OVCH1: variants seen among roughly 807,000 people sequenced by gnomAD.
OVCH1 encodes ovochymase-1.
In OVCH1, 139 loss-of-function variants were observed where a neutral mutation model predicts 138.4. The observed-to-expected ratio is 1.00, with a 90% confidence interval of 0.87 to 1.16. The LOEUF is 1.16. OVCH1 is among the 50% of genes most tolerant of loss of function. The pLI, the probability that OVCH1 is intolerant of heterozygous loss-of-function variation, is 0.00. For synonymous variants in OVCH1, 453 were observed against 467.8 expected (o/e 0.97, Z 0.41); for missense variants, 1,367 against 1,357.9 (o/e 1.01, Z -0.11).
At position 29,435,911 on chromosome 12, in the gene OVCH1, A is replaced by G. The variant is rs137948187; in HGVS notation, c.3265-2098T>C. ...TATAGCCTTAAAATTAGAAATGTTT[A>G]TTTATTCACTGGGAAAAATTTAGAG... On this transcript the variant is annotated intron_variant, in intron 26 of 27. Transcript: ENST00000318184. Among the ~76,000 whole-genome samples the G allele has an allele frequency of 2.0e-3, 308 of 152,226 alleles. 1 individual carries two copies. The highest frequency in any genetic ancestry group is 6.8e-3 in the Middle Eastern group (2 of 294).
At chr12:29,458,088 AAAG>A (rs1450677939) in intron 19 of OVCH1, among the ~76,000 whole-genome samples, 1 of 152,172 alleles carries the variant, frequency 6.6e-6, no homozygotes, top group East Asian at 1.9e-4. Flanking sequence ...TTGTAGATGA[AAAG>A]AAGTTAGAAA....
chr12:29,495,304 T>C, exon 4 of OVCH1: 4 of 1,610,438 alleles, frequency 2.5e-6, no homozygotes, highest in Non-Finnish European at 2.5e-6. Context: ...CTTTGTGTTT[T>C]AGATACAGCA....
intron 22 of OVCH1, among the ~76,000 whole-genome samples, chr12:29,446,256 T>C (rs1941612587): frequency 6.6e-6 from 1 of 151,996 alleles, no homozygotes; most frequent in Non-Finnish European, 1.5e-5. Context: ...CAAATACTTG[T>C]AGGGATGAAA....
In OVCH1 at chr12:29,485,964, AAAATAAAAT is replaced by A. The variant is rs201626935; in HGVS notation, c.995+273_995+281del. ...CATCTCAAAATAAATAAAATAAAAT[AAAATAAAAT>A]AAATAAATAAATAAATAAATAAATA... On this transcript the variant is annotated intron_variant, in intron 8 of 27. Coordinates refer to ENST00000318184, the Ensembl canonical transcript of OVCH1. Among the ~76,000 whole-genome samples the A allele has an allele frequency of 0.018, 1,732 of 98,708 alleles. 66 individuals are homozygous for A. In the East Asian group the frequency reaches 0.19, roughly 11 times the overall value. 64.8% of individuals were successfully genotyped at this position (98,708 alleles called of 152,430 possible).
chr12:29,455,250 A>G lies in OVCH1; in HGVS notation c.2436T>C (p.Asn812=), dbSNP rs775192309. 13 of 1,611,510 alleles carry G rather than the reference A, an allele frequency of 8.1e-6. No individual in the cohort carries two copies. In the Admixed American group the frequency reaches 1.2e-4, roughly 15 times the overall value. Residue 812 remains asparagine, a splice_region_variant and synonymous_variant, in exon 20 of 28, where the codon AAT becomes AAC. Transcript: ENST00000318184. Reference sequence around the variant, plus strand: ...TAATAACATTTGAAAACAATTTACCATTGATTTTTGATTGGATCCAGTCCA... The same window carrying G: ...TAATAACATTTGAAAACAATTTACCGTTGATTTTTGATTGGATCCAGTCCA...
chr12:29,486,939 G>T, intron 7 of OVCH1: 1 of 455,768 alleles, frequency 2.2e-6, no homozygotes, highest in South Asian at 1.5e-5. Context: ...CCCTGCAGTG[G>T]AGCAGTGAAG....
downstream of OVCH1, among the ~76,000 whole-genome samples, chr12:29,408,993 A>G (rs2135863247): frequency 6.6e-6 from 1 of 152,106 alleles, no homozygotes; most frequent in South Asian, 2.1e-4. Flanking sequence ...AGCTCCTGTT[A>G]TTGGTCTATT....
At chr12:29,495,453 G>T (rs762932991) in exon 4 of OVCH1, 1 of 1,612,052 alleles carries the variant, frequency 6.2e-7, no homozygotes, top group Admixed American at 1.7e-5. Context: ...TTCTTCAGCT[G>T]CTTCCTAAAA....
At chr12:29,415,239 A>T (rs1352343750) in intron 3 of OVCH1, among the ~76,000 whole-genome samples, 1 of 152,164 alleles carries the variant, frequency 6.6e-6, no homozygotes, top group East Asian at 1.9e-4. Flanking sequence ...TCAAGATAAG[A>T]AAGTAAGGAA....
chr12:29,457,594 A>G (rs1409768575), intron 19 of OVCH1, among the ~76,000 whole-genome samples: 2 of 151,688 alleles, frequency 1.3e-5, no homozygotes, highest in South Asian at 2.1e-4. Context: ...TAGTAGAGAC[A>G]GGGTTTCACC....
chr12:29,451,406 A>G (rs1941791503), exon 22 of OVCH1: 6 of 1,613,320 alleles, frequency 3.7e-6, no homozygotes, highest in Non-Finnish European at 5.1e-6. Context: ...CTTGACACAC[A>G]GGAGACCCCA....
intron 19 of OVCH1, among the ~76,000 whole-genome samples, chr12:29,460,237 C>T (rs550507663): frequency 9.2e-5 from 14 of 152,196 alleles, no homozygotes; most frequent in South Asian, 4.1e-4. Flanking sequence ...CTTTTCTTTC[C>T]GCACAAAATA....
intron 18 of OVCH1, among the ~76,000 whole-genome samples, chr12:29,463,541 G>C (rs1942211050): frequency 6.6e-6 from 1 of 152,174 alleles, no homozygotes; most frequent in Non-Finnish European, 1.5e-5. Flanking sequence ...TTCCAAGCTA[G>C]GCTAAGAAGT....
rs1407058680 is a variant in OVCH1, at chr12:29,444,289, A to G, written c.2882-9T>C. 1.2e-6 allele frequency: 2 copies of G among 1,608,868 alleles called. No homozygotes were observed. The highest frequency in any genetic ancestry group is 2.7e-5 in the African/African-American group (2 of 74,580). ...TTTACTGTCCTTTGGACCTAAAAGA[A>G]CAGGAAGCAGAGAAAATGAGAATAA... On this transcript the variant is annotated splice_polypyrimidine_tract_variant and intron_variant, in intron 23 of 27. Transcript: ENST00000318184.
At chr12:29,480,526 T>C (rs1210200086) in intron 8 of OVCH1, among the ~76,000 whole-genome samples, 1 of 152,224 alleles carries the variant, frequency 6.6e-6, no homozygotes, top group Non-Finnish European at 1.5e-5. Flanking sequence ...TTTAAGAGGA[T>C]TTTGAAGTCT....
chr12:29,480,137 T>C lies in OVCH1; in HGVS notation c.996-1229A>G, dbSNP rs1942883578. Among the ~76,000 whole-genome samples, 3 of 152,156 alleles carry C rather than the reference T, an allele frequency of 2.0e-5. No individual in the cohort carries two copies. In the South Asian group the frequency reaches 6.2e-4, roughly 32 times the overall value. ...ATGCCCAGCCGGAAACTCTTTAGTG[T>C]TTTTCTATTCAAGTCCATCATCCTG... is the stretch of plus-strand genomic sequence containing the variant. On this transcript the variant is annotated intron_variant, in intron 8 of 27. Coordinates refer to ENST00000318184, the Ensembl canonical transcript of OVCH1.
chr12:29,452,132 A>C (rs2135945412), intron 21 of OVCH1, among the ~76,000 whole-genome samples: 1 of 152,252 alleles, frequency 6.6e-6, no homozygotes, highest in South Asian at 2.1e-4. Context: ...TTATGTCCTC[A>C]TCAGGGCTTC....
intron 8 of OVCH1, among the ~76,000 whole-genome samples, chr12:29,480,798 T>C (rs1373908030): frequency 6.6e-6 from 1 of 152,178 alleles, no homozygotes. Context: ...GTCTCCCTTA[T>C]GATTTCCTAG....
intron 25 of OVCH1, among the ~76,000 whole-genome samples, chr12:29,442,712 T>G (rs975180379): frequency 6.6e-5 from 10 of 151,996 alleles, no homozygotes; most frequent in Non-Finnish European, 7.4e-5. Context: ...ATCCTTTTCC[T>G]CTCTTTATGT....
Sources: allele counts gnomAD v4.1 joint callset (sites outside exome capture counted in the v4.1 genomes callset), GRCh38; gene constraint gnomAD v4.1.1; transcripts MANE v1.5; gene names NCBI Gene and HGNC (gene_info 2026-07-23, HGNC 2026-07-21).